The following SLC9A3 variants were observed in gnomAD, a reference collection of about 807,000 sequenced individuals.
SLC9A3 encodes the protein sodium/hydrogen exchanger 3.
In SLC9A3, 37 loss-of-function variants were observed where a neutral mutation model predicts 86.8. The ratio of observed to expected loss-of-function variants is 0.43; its 90% CI spans 0.33 to 0.56. SLC9A3 has a LOEUF of 0.56. Ranked by LOEUF, SLC9A3 falls within the 20% of genes least tolerant of loss-of-function variation. The pLI is 0.06. For missense variants in SLC9A3, 1,011 were observed against 1,171.9 expected, an observed-to-expected ratio of 0.86 and a Z score of 2.00; for synonymous variants, 581 against 528.3, an observed-to-expected ratio of 1.10 and a Z score of -1.37.
Position 484,649 on chromosome 5 carries a change from A to T in SLC9A3, c.803T>A (p.Phe268Tyr). 1 of 1,613,166 alleles carries T rather than the reference A, an allele frequency of 6.2e-7. No homozygotes were observed. The highest frequency in any genetic ancestry group is 8.5e-7 in the Non-Finnish European group (1 of 1,179,956). ...CGTCACCAGCGACAGCAGGAAGGCG[A>T]AGACCACCCCCACCAGCGTGCCCCC... ...SLGGTLVGVV[F>Y]AFLLSLVTRF... is the part of the protein sequence containing the mutation. The change falls in exon 5 of 17, where the codon TTC (phenylalanine) becomes TAC (tyrosine). Residue 268 changes from phenylalanine to tyrosine, a missense_variant. Physicochemically the swap from Phe to Tyr is conservative, Grantham distance 22. Transcript: ENST00000264938.
rs1206413980 is a variant in SLC9A3, at chr5:524,222, C to A, written c.101G>T (p.Gly34Val). Residue 34 changes from glycine (G) to valine (V), a missense_variant, in exon 1 of 17, where the codon GGC (glycine) becomes GTC (valine). By Grantham distance (109) the Gly-to-Val change is moderately radical. This residue lies in a region of SLC9A3 where 565 missense variants were observed against 790.0 expected (regional missense o/e 0.72). Coordinates refer to ENST00000264938, the MANE Select transcript of SLC9A3 (RefSeq NM_004174.4). ...RAGGVEVEPG[G>V]AHGESGGFQV... ...GAAGCCCCCGCTCTCGCCGTGCGCG[C>A]CGCCGGGCTCCACCTCGACGCCCCC... 5 of 1,508,828 alleles carry A rather than the reference C, an allele frequency of 3.3e-6. No homozygotes were observed. The highest frequency in any genetic ancestry group is 4.4e-6 in the Non-Finnish European group (5 of 1,129,434). The allele number at this position is 1,508,828 out of a possible 1,614,324, so 93.5% of individuals were successfully genotyped here.
chr5:524,303 C>G lies in SLC9A3; in HGVS notation c.20G>C (p.Arg7Pro). Residue 7 changes from arginine (R) to proline (P), a missense_variant, in exon 1 of 17, where the codon CGG becomes CCG. Around this residue, in one of 3 missense-constraint regions of SLC9A3, gnomAD observed 49 missense variants for 35.6 expected, o/e 1.38. Coordinates refer to ENST00000264938, the MANE Select transcript of SLC9A3 (RefSeq NM_004174.4). ...CAGCAGCAGCCCCCGGTCGGGGCCC[C>G]GGGCCCCGAGTCCCCACATTGCCGC... MWGLGA[R>P]GPDRGLLLAL... The G allele has an allele frequency of 1.6e-6, 2 of 1,283,988 alleles. No homozygotes were observed. The highest frequency in any genetic ancestry group is 2.0e-6 in the Non-Finnish European group (2 of 1,011,788). The allele number at this position is 1,283,988 out of a possible 1,614,324, so 79.5% of individuals were successfully genotyped here.
At chr5:521,566 A>T (rs1733885200) in intron 1 of SLC9A3, among the ~76,000 whole-genome samples, 1 of 152,180 alleles carries the variant, frequency 6.6e-6, no homozygotes, top group Non-Finnish European at 1.5e-5. Context: ...TGGAAGAGAC[A>T]TTTCTGTTCG....
rs763178133 is a variant in SLC9A3, at chr5:475,137, G to A, written c.2252-5C>T. On this transcript the variant is annotated splice_region_variant and splice_polypyrimidine_tract_variant and intron_variant, in intron 15 of 16. Transcript: ENST00000264938. ...AAAACACAGGGTTGTCAATTCCTAG[G>A]AGAGAGGGCAGCGGCTAGTCAGCCT... 1.3e-5 allele frequency: 21 copies of A among 1,573,514 alleles called. No individual in the cohort carries two copies. In the East Asian group the frequency reaches 3.8e-4, roughly 29 times the overall value.
At chr5:478,307 G>C (rs566723398) in intron 10 of SLC9A3, 5 of 152,424 alleles carry the variant, frequency 3.3e-5, no homozygotes, top group Non-Finnish European at 7.3e-5. Context: ...ACCCCACGAA[G>C]ACAGACGTGA....
At chr5:509,614 C>G (rs79116762) in intron 1 of SLC9A3, among the ~76,000 whole-genome samples, 2,322 of 152,206 alleles carry the variant, frequency 0.015, 56 homozygotes, top group African/African-American at 0.053. Flanking sequence ...TGGAGAACCG[C>G]GGACAGGCAT....
intron 16 of SLC9A3, 50 bp from the exon 17 acceptor site, chr5:473,432 G>C: frequency 7.5e-7 from 1 of 1,341,230 alleles, no homozygotes; most frequent in Non-Finnish European, 9.6e-7. Context: ...GCGCTGGGGC[G>C]GGAGGGGCGT....
At chr5:480,104 C>G (rs935497585) in intron 9 of SLC9A3, 139 bp from the exon 10 acceptor site, 16 of 889,090 alleles carry the variant, frequency 1.8e-5, no homozygotes, top group Non-Finnish European at 2.2e-5. Context: ...GGGAAGCAGC[C>G]CCTGCCACAC....
At chr5:502,594 C>T (rs943754743) in intron 1 of SLC9A3, among the ~76,000 whole-genome samples, 1 of 152,178 alleles carries the variant, frequency 6.6e-6, no homozygotes, top group Non-Finnish European at 1.5e-5. Flanking sequence ...ATGGTCAGAC[C>T]CTGGAATCAG....
chr5:490,836 C>T (rs567410174), intron 2 of SLC9A3, among the ~76,000 whole-genome samples: 1 of 152,344 alleles, frequency 6.6e-6, no homozygotes, highest in African/African-American at 2.4e-5. Context: ...GCAGCTTTCC[C>T]TGGGCTGCAC....
chr5:484,476 G>A (rs528832712), intron 5 of SLC9A3, 44 bp downstream of exon 5: 49 of 1,593,622 alleles, frequency 3.1e-5, no homozygotes, highest in South Asian at 1.7e-4. Context: ...GGAGAAGCTC[G>A]GGAGGAGGGC....
At chr5:502,456 C>T (rs1263659915) in intron 1 of SLC9A3, among the ~76,000 whole-genome samples, 1 of 152,252 alleles carries the variant, frequency 6.6e-6, no homozygotes. Flanking sequence ...GACCCAGCGG[C>T]GCCTACCAGG....
Position 491,714 on chromosome 5 carries a change from G to A in SLC9A3, c.514+55C>T, listed in dbSNP as rs1370914044. 9.8e-6 allele frequency: 14 copies of A among 1,430,706 alleles called. No homozygotes were observed. The highest frequency in any genetic ancestry group is 5.0e-5 in the East Asian group (2 of 39,690). The allele number at this position is 1,430,706 out of a possible 1,614,324, so 88.6% of individuals were successfully genotyped here. A position where few individuals can be genotyped will look rare whatever the true frequency, so the allele number is the denominator to read the frequency against. ...GACCTTTCTGAGATGAGGCAGCGCC[G>A]CCCCTCCCGGACCCCACCCTGATCC... On this transcript the variant is annotated intron_variant, in intron 2 of 16. Transcript: ENST00000264938. The surrounding 1 kb of genome is among the most constrained non-coding windows in gnomAD (Gnocchi z 9.2).
rs200516387 is a variant in SLC9A3 at position 482,721 on chromosome 5, G to A, written c.1183C>T (p.Arg395Cys). ...GGCTCCAGCTGCACCATGCGGTAGCGGTTCAGAAGCCAGGTCTGCAGGACC... is the reference window on the plus strand; with the variant it reads ...GGCTCCAGCTGCACCATGCGGTAGCAGTTCAGAAGCCAGGTCTGCAGGACC... The part of the protein sequence containing the change: ...GVVLQTWLLN[R>C]YRMVQLEPID... The change falls in exon 7 of 17, where the codon CGC (arginine) becomes TGC (cysteine). Residue 395 changes from arginine (R) to cysteine (C), a missense_variant. Coordinates refer to ENST00000264938, the MANE Select transcript of SLC9A3 (RefSeq NM_004174.4). 7.5e-6 allele frequency: 12 copies of A among 1,609,840 alleles called. No individual in the cohort carries two copies. Among genetic ancestry groups the A allele is most frequent in the Non-Finnish European group, 8.5e-6 (10 of 1,178,732 alleles).
chr5:502,013 G>C (rs940295129), intron 1 of SLC9A3, among the ~76,000 whole-genome samples: 1 of 152,280 alleles, frequency 6.6e-6, no homozygotes, highest in Non-Finnish European at 1.5e-5. Context: ...ACAACAGCCC[G>C]TTCAGGACTG....
At chr5:476,153 C>T in intron 13 of SLC9A3, 49 bp downstream of exon 13, 1 of 1,612,298 alleles carries the variant, frequency 6.2e-7, no homozygotes, top group Non-Finnish European at 8.5e-7. Flanking sequence ...CCTGACTGCC[C>T]CCGCTCCAGG....
At chr5:523,908 G>A (rs1363159982) in intron 1 of SLC9A3, among the ~76,000 whole-genome samples, 1 of 152,154 alleles carries the variant, frequency 6.6e-6, no homozygotes, top group Non-Finnish European at 1.5e-5. Context: ...CCGCCGGGGA[G>A]GGGAGACCTC....
At chr5:516,251 T>A (rs1312100041) in intron 1 of SLC9A3, among the ~76,000 whole-genome samples, 3 of 151,214 alleles carry the variant, frequency 2.0e-5, no homozygotes, top group Non-Finnish European at 2.9e-5. Flanking sequence ...TTGGGTCTCA[T>A]TTGAAGTGGG....
chr5:522,478 G>A (rs914322234), intron 1 of SLC9A3, among the ~76,000 whole-genome samples: 8 of 152,196 alleles, frequency 5.3e-5, no homozygotes, highest in East Asian at 1.9e-4. Context: ...AGATATTCAC[G>A]GCCGGGCGCG....
Sources: allele counts gnomAD v4.1 joint callset (sites outside exome capture counted in the v4.1 genomes callset), GRCh38; gene constraint gnomAD v4.1.1; regional missense constraint gnomAD v4.1.1; non-coding constraint Gnocchi (gnomAD v3.1); transcripts MANE v1.5; gene names NCBI Gene and HGNC (gene_info 2026-07-23, HGNC 2026-07-21).